Variants in TFB1M observed in about 807,000 individuals in gnomAD.
The protein encoded by TFB1M is transcription factor B1, mitochondrial, also known as dimethyladenosine transferase 1, mitochondrial.
TFB1M carries 27 observed loss-of-function variants against 31.1 expected under a neutral mutation model. That is an observed-to-expected ratio of 0.87 (90% CI 0.64 to 1.20). The LOEUF (loss-of-function observed/expected upper bound fraction) is 1.20, where lower values mean the gene tolerates loss of function less well. TFB1M is among the 50% of genes most tolerant of loss of function. The probability of loss-of-function intolerance (pLI) is 0.00; values close to 1 mark genes in which losing one functional copy is unlikely to be tolerated. For missense variants in TFB1M, 394 were observed against 418.7 expected (o/e 0.94, Z 0.51); for synonymous variants, 166 against 151.8 (o/e 1.09, Z -0.69).
the TFB1M span, among the ~76,000 whole-genome samples, chr6:155,244,384 T>C: frequency 6.6e-6 from 1 of 152,266 alleles, no homozygotes; most frequent in African/African-American, 2.4e-5. Context: ...TAATTAGTTC[T>C]ACTGACTTAC....
chr6:155,279,943 G>A (rs936492063), intron 5 of TFB1M, among the ~76,000 whole-genome samples: 1 of 151,960 alleles, frequency 6.6e-6, no homozygotes, highest in Non-Finnish European at 1.5e-5. Context: ...TATAAAAATG[G>A]CTTTTGGTTT....
At position 155,260,143 on chromosome 6, in the gene TFB1M, G is replaced by A; in HGVS notation, c.794+130C>T. On this transcript the variant is annotated intron_variant, in intron 6 of 6. Coordinates refer to ENST00000367166, the MANE Select transcript of TFB1M (RefSeq NM_016020.4). Reference sequence around the variant, plus strand: ...CTCTCCTCATTGGCAGTGAAGTCTTGTCCGTCACAGGCCTGAACTAAGTGT... The same window carrying A: ...CTCTCCTCATTGGCAGTGAAGTCTTATCCGTCACAGGCCTGAACTAAGTGT... 5 of 1,085,468 alleles carry A rather than the reference G, an allele frequency of 4.6e-6. No individual in the cohort carries two copies. In the Admixed American group the frequency reaches 5.4e-5, roughly 12 times the overall value. The allele number at this position is 1,085,468 out of a possible 1,614,324, so 67.2% of individuals were successfully genotyped here. A position where few individuals can be genotyped will look rare whatever the true frequency, so the allele number is the denominator to read the frequency against.
At chr6:155,264,270 G>A (rs1430472074) in intron 5 of TFB1M, 1 of 152,124 alleles carries the variant, frequency 6.6e-6, no homozygotes, top group Non-Finnish European at 1.5e-5. Flanking sequence ...CACGGGCCTC[G>A]AGGTTACAAC....
intron 4 of TFB1M, among the ~76,000 whole-genome samples, chr6:155,296,282 CAG>C (rs1248346185): frequency 2.6e-5 from 4 of 152,090 alleles, no homozygotes; most frequent in Admixed American, 6.5e-5. Flanking sequence ...CCCGCCGAGA[CAG>C]AGTCTTGCTC....
rs1013269435 is a variant in TFB1M at position 155,287,398 on chromosome 6, T to A, written c.547-2121A>T. Among the ~76,000 whole-genome samples the A allele has an allele frequency of 2.6e-5, 4 of 152,118 alleles. No homozygotes were observed. The East Asian group carries it at 7.7e-4, about 29-fold the overall frequency. ...ATGAAAAAAATAATAAAAATCAACA[T>A]GTGAACGAAAAAATAAACTGTGATA... On this transcript the variant is annotated intron_variant, in intron 4 of 6. Transcript: ENST00000367166.
At chr6:155,240,629 C>T in the TFB1M span, 74 of 1,614,100 alleles carry the variant, frequency 4.6e-5, no homozygotes, top group Middle Eastern at 1.5e-3. Context: ...TCCGAGGTCT[C>T]TGGCCCGCCA....
intron 5 of TFB1M, among the ~76,000 whole-genome samples, chr6:155,278,846 AG>A (rs1381161685): frequency 1.3e-5 from 2 of 152,206 alleles, no homozygotes; most frequent in Non-Finnish European, 2.9e-5. Context: ...GGATTAAATG[AG>A]ATGATACACA....
At chr6:155,300,275 T>C (rs1777365412) in intron 2 of TFB1M, among the ~76,000 whole-genome samples, 1 of 152,234 alleles carries the variant, frequency 6.6e-6, no homozygotes. Flanking sequence ...TCTAGTTTGA[T>C]ATGTTTAGCC....
chr6:155,310,739 CATG>C (rs1777980392), intron 2 of TFB1M: 1 of 168,730 alleles, frequency 5.9e-6, no homozygotes, highest in African/African-American at 2.4e-5. Flanking sequence ...ATTAGTCTCT[CATG>C]ATGACAAACG....
At chr6:155,313,199 A>T (rs1481071321) in intron 1 of TFB1M, 3 of 152,134 alleles carry the variant, frequency 2.0e-5, no homozygotes, top group Non-Finnish European at 4.4e-5. Flanking sequence ...GTGAGCTGAG[A>T]TCATGCCATT....
chr6:155,275,602 C>T lies in TFB1M; in HGVS notation c.666+9556G>A, dbSNP rs1162321021. 14 of 1,052,966 alleles carry T rather than the reference C, an allele frequency of 1.3e-5. No homozygotes were observed. The East Asian group carries it at 2.6e-4, about 20-fold the overall frequency. The allele number at this position is 1,052,966 out of a possible 1,614,324, so 65.2% of individuals were successfully genotyped here. ...TTTCTTTCGCTCAATCCTGGTTTTG[C>T]CTTTTTTCCTTAGGCTTTGTTATTT... On this transcript the variant is annotated intron_variant, in intron 5 of 6. Transcript: ENST00000367166.
intron 5 of TFB1M, among the ~76,000 whole-genome samples, chr6:155,268,986 T>TAA (rs34268254): frequency 7.8e-6 from 1 of 128,396 alleles, no homozygotes; most frequent in Non-Finnish European, 1.6e-5. Flanking sequence ...ATTAAAAAAT[T>TAA]AAAAAAAAAA....
chr6:155,303,926 G>A (rs905601262), intron 2 of TFB1M, among the ~76,000 whole-genome samples: 3 of 152,128 alleles, frequency 2.0e-5, no homozygotes, highest in Non-Finnish European at 2.9e-5. Context: ...CTAGTAGGTG[G>A]CATATCTGAG....
chr6:155,256,334 A>G lies in TFB1M; in HGVS notation c.*1502T>C. The stretch of plus-strand genomic sequence containing the variant: ...AAATGTCCATGTTTTCAGTAGCTAC[A>G]TTTTTGCCTAATTACCAGGATAGTT... On this transcript the variant is annotated 3_prime_UTR_variant, in exon 7 of 7. Transcript: ENST00000367166. 4 of 1,153,442 alleles carry G rather than the reference A, an allele frequency of 3.5e-6. No individual in the cohort carries two copies. Among genetic ancestry groups the G allele is most frequent in the South Asian group, 1.6e-5 (1 of 62,214 alleles). The allele number at this position is 1,153,442 out of a possible 1,614,324, so 71.5% of individuals were successfully genotyped here. A position where few individuals can be genotyped will look rare whatever the true frequency, so the allele number is the denominator to read the frequency against.
Position 155,258,083 on chromosome 6 carries a change from C to T in TFB1M, c.795-1G>A. On this transcript the variant is annotated splice_acceptor_variant, in intron 6 of 6. Coordinates refer to ENST00000367166, the MANE Select transcript of TFB1M (RefSeq NM_016020.4). LOFTEE classifies it high-confidence loss of function. Reference sequence around the variant, plus strand: ...GCGCTGCGCTTCAGGGAATAACATTCTGAGGGGAAGACAGACAGACAGAAA... The same window carrying T: ...GCGCTGCGCTTCAGGGAATAACATTTTGAGGGGAAGACAGACAGACAGAAA... 1 of 1,614,176 alleles carries T rather than the reference C, an allele frequency of 6.2e-7. No homozygotes were observed.
intron 5 of TFB1M, among the ~76,000 whole-genome samples, chr6:155,267,795 G>A (rs989958751): frequency 1.4e-4 from 22 of 152,162 alleles, no homozygotes; most frequent in African/African-American, 4.3e-4. Context: ...CCTTCACACA[G>A]CCAAGAAAAG....
intron 3 of TFB1M, 47 bp downstream of exon 3, chr6:155,298,430 T>C (rs909031968): frequency 2.1e-6 from 2 of 942,348 alleles, no homozygotes; most frequent in East Asian, 2.4e-5. Flanking sequence ...ATTTGTGATA[T>C]AAATAATCAT....
At chr6:155,304,198 C>T (rs1213313334) in intron 2 of TFB1M, among the ~76,000 whole-genome samples, 1 of 152,110 alleles carries the variant, frequency 6.6e-6, no homozygotes, top group Non-Finnish European at 1.5e-5. Flanking sequence ...AGGAGAATCG[C>T]TTGAGCCTGG....
At chr6:155,243,076 C>T in the TFB1M span, among the ~76,000 whole-genome samples, 5 of 152,110 alleles carry the variant, frequency 3.3e-5, no homozygotes, top group South Asian at 2.1e-4. Context: ...ATCTTTCGCT[C>T]ATGGGTTTTG....
Sources: allele counts gnomAD v4.1 joint callset (sites outside exome capture counted in the v4.1 genomes callset), GRCh38; gene constraint gnomAD v4.1.1; transcripts MANE v1.5; gene names NCBI Gene and HGNC (gene_info 2026-07-23, HGNC 2026-07-21).